The following CRLF3 variants were observed in gnomAD, a reference collection of about 807,000 sequenced individuals.
The protein encoded by CRLF3 is cytokine receptor-like factor 3.
CRLF3 carries 33 observed loss-of-function variants against 55.0 expected under a neutral mutation model. The observed-to-expected ratio is 0.60, with a 90% CI of 0.46 to 0.80. The LOEUF (loss-of-function observed/expected upper bound fraction) is 0.80. Ranked by LOEUF, CRLF3 falls within the 30% of genes least tolerant of loss-of-function variation. The pLI, the probability that CRLF3 is intolerant of heterozygous loss-of-function variation, is 0.00. For synonymous variants in CRLF3, 238 were observed against 196.8 expected (o/e 1.21, Z -1.75); for missense variants, 494 against 538.4 (o/e 0.92, Z 0.82).
chr17:30,812,240 T>C (rs961547683), intron 1 of CRLF3, among the ~76,000 whole-genome samples: 25 of 152,230 alleles, frequency 1.6e-4, no homozygotes, highest in African/African-American at 5.5e-4. Flanking sequence ...TTTGTCTTTG[T>C]ACTGACACCA....
rs1201717355 is a variant in CRLF3, at chr17:30,783,916, C to G, written c.*271G>C. The G allele has an allele frequency of 1.4e-5, 5 of 350,444 alleles. No homozygotes were observed. Among genetic ancestry groups the G allele is most frequent in the Non-Finnish European group, 2.6e-5 (5 of 191,740 alleles). 21.7% of individuals were successfully genotyped at this position (350,444 alleles called of 1,614,324 possible). On this transcript the variant is annotated 3_prime_UTR_variant, in exon 8 of 8. Coordinates refer to ENST00000324238, the MANE Select transcript of CRLF3 (RefSeq NM_015986.4). ...AGTACAGTGGAAGGGTATAGAACTTCCTATATCTTCTATACTTTTAATGCC... is the reference window on the plus strand; with the variant it reads ...AGTACAGTGGAAGGGTATAGAACTTGCTATATCTTCTATACTTTTAATGCC...
At chr17:30,799,176 G>A (rs1010597104) in intron 2 of CRLF3, among the ~76,000 whole-genome samples, 2 of 152,038 alleles carry the variant, frequency 1.3e-5, no homozygotes, top group Non-Finnish European at 2.9e-5. Context: ...GGGAGGCTGA[G>A]GCAGGAAAAT....
intron 1 of CRLF3, among the ~76,000 whole-genome samples, chr17:30,822,456 A>G (rs545657893): frequency 2.6e-5 from 4 of 152,286 alleles, no homozygotes; most frequent in Admixed American, 6.5e-5. Flanking sequence ...AGAGAACTAC[A>G]TTATTACTCA....
At chr17:30,801,943 T>C (rs145805458) in intron 2 of CRLF3, among the ~76,000 whole-genome samples, 32 of 151,916 alleles carry the variant, frequency 2.1e-4, no homozygotes, top group African/African-American at 6.8e-4. Flanking sequence ...CTTTTTCCTA[T>C]GTCTGCTGGA....
chr17:30,811,209 T>A (rs1311920464), intron 1 of CRLF3, among the ~76,000 whole-genome samples: 1 of 151,002 alleles, frequency 6.6e-6, no homozygotes, highest in Non-Finnish European at 1.5e-5. Flanking sequence ...AATCCTAGGA[T>A]TTTGGGAGGC....
chr17:30,791,215 TG>T (rs904292659), intron 6 of CRLF3, among the ~76,000 whole-genome samples: 8 of 151,548 alleles, frequency 5.3e-5, no homozygotes, highest in Non-Finnish European at 1.0e-4. Flanking sequence ...GGATTACAGG[TG>T]TGCACTACCA....
intron 7 of CRLF3, among the ~76,000 whole-genome samples, chr17:30,785,497 C>T (rs1300903847): frequency 6.6e-6 from 1 of 152,040 alleles, no homozygotes; most frequent in Non-Finnish European, 1.5e-5. Flanking sequence ...CCAAAACTTT[C>T]AGCCAGCCAC....
At chr17:30,798,694 CT>C (rs1215442545) in intron 2 of CRLF3, among the ~76,000 whole-genome samples, 1 of 151,718 alleles carries the variant, frequency 6.6e-6, no homozygotes. Context: ...CAAAAAGTAG[CT>C]GGGCATAGTG....
chr17:30,793,427 G>T, intron 5 of CRLF3, 23 bp downstream of exon 5: 9 of 1,581,228 alleles, frequency 5.7e-6, no homozygotes, highest in Non-Finnish European at 7.8e-6. Flanking sequence ...TAGGCTTCAG[G>T]AGAGAAAAGG....
intron 5 of CRLF3, among the ~76,000 whole-genome samples, chr17:30,793,047 T>G (rs769005772): frequency 6.7e-6 from 1 of 150,260 alleles, no homozygotes; most frequent in Non-Finnish European, 1.5e-5. Flanking sequence ...TCCCAGCTAC[T>G]TGGGAGACTG....
At chr17:30,803,696 C>T (rs1030306173) in intron 2 of CRLF3, 5 of 569,426 alleles carry the variant, frequency 8.8e-6, no homozygotes, top group Middle Eastern at 4.8e-4. Context: ...AAACCCCTTT[C>T]GCTTGGCTCT....
chr17:30,803,951 T>TG lies in CRLF3; in HGVS notation c.286dup (p.Gln96ProfsTer19), dbSNP rs1567664781. Reference sequence around the variant, plus strand: ...GTTGACTCCGTGTTCTATGAGCTTCTGGCAGTCATCTAGTGGTTTAATGGT... The same window carrying TG: ...GTTGACTCCGTGTTCTATGAGCTTCTGGGCAGTCATCTAGTGGTTTAATGGT... On this transcript the variant is annotated frameshift_variant, in exon 2 of 8. Coordinates refer to ENST00000324238, the MANE Select transcript of CRLF3 (RefSeq NM_015986.4). LOFTEE classifies it high-confidence loss of function. The TG allele has an allele frequency of 6.2e-7, 1 of 1,612,422 alleles. No homozygotes were observed. The highest frequency in any genetic ancestry group is 8.5e-7 in the Non-Finnish European group (1 of 1,180,020).
chr17:30,807,644 T>G (rs1904455689), intron 1 of CRLF3, among the ~76,000 whole-genome samples: 1 of 146,994 alleles, frequency 6.8e-6, no homozygotes, highest in Admixed American at 7.0e-5. Flanking sequence ...GAGATTCTCC[T>G]GCCTTAGTCT....
intron 1 of CRLF3, among the ~76,000 whole-genome samples, chr17:30,823,372 AC>A (rs1407020233): frequency 2.0e-5 from 3 of 151,858 alleles, no homozygotes; most frequent in African/African-American, 7.3e-5. Flanking sequence ...CTCAAAAAAA[AC>A]AGATTATATA....
In CRLF3 at chr17:30,782,696, GT is replaced by G. The variant is rs1971518806; in HGVS notation, c.*1490del. The G allele has an allele frequency of 6.6e-6, 1 of 152,056 alleles. No homozygotes were observed. The highest frequency in any genetic ancestry group is 2.1e-4 in the South Asian group (1 of 4,828). The allele number at this position is 152,056 out of a possible 1,614,324, so 9.4% of individuals were successfully genotyped here. A position where few individuals can be genotyped will look rare whatever the true frequency, so the allele number is the denominator to read the frequency against. ...AAAGTACACACACTGAACTTTTTTA[GT>G]TTTTTATTTTGATTCCTATGGCTGG... On this transcript the variant is annotated 3_prime_UTR_variant, in exon 8 of 8. Coordinates refer to ENST00000324238, the MANE Select transcript of CRLF3 (RefSeq NM_015986.4).
At chr17:30,784,503 GT>G (rs1971589584) in intron 7 of CRLF3, 60 bp from the exon 8 acceptor site, 18 of 1,418,812 alleles carry the variant, frequency 1.3e-5, no homozygotes, top group Non-Finnish European at 1.6e-5. Flanking sequence ...ATCTGAAATA[GT>G]TTCTAGATTA....
At chr17:30,814,269 A>G (rs1391673539) in intron 1 of CRLF3, among the ~76,000 whole-genome samples, 2 of 151,692 alleles carry the variant, frequency 1.3e-5, no homozygotes, top group Non-Finnish European at 2.9e-5. Flanking sequence ...AAAAATAATA[A>G]TAATAGTAAT....
intron 6 of CRLF3, among the ~76,000 whole-genome samples, chr17:30,788,359 A>G (rs1971699664): frequency 6.9e-6 from 1 of 145,184 alleles, no homozygotes; most frequent in Admixed American, 7.0e-5. Context: ...GAAAAGAAAG[A>G]AGGAAACCTT....
intron 1 of CRLF3, among the ~76,000 whole-genome samples, chr17:30,822,062 CAAA>C (rs576859607): frequency 5.3e-5 from 3 of 56,080 alleles, no homozygotes; most frequent in Admixed American, 1.9e-4. Context: ...GCACCCCCGC[CAAA>C]AAAAAAAAAA....
Sources: allele counts gnomAD v4.1 joint callset (sites outside exome capture counted in the v4.1 genomes callset), GRCh38; gene constraint gnomAD v4.1.1; transcripts MANE v1.5; gene names NCBI Gene and HGNC (gene_info 2026-07-23, HGNC 2026-07-21).